Variants in PKN2 observed in about 807,000 individuals in gnomAD.
PKN2 encodes protein kinase N2.
Under a neutral mutation model 119.1 loss-of-function variants are expected in PKN2, and 38 were observed. The observed-to-expected ratio is 0.32, with a 90% confidence interval of 0.25 to 0.42. PKN2 has a LOEUF of 0.42. PKN2 is among the 10% of genes least tolerant of loss of function. The pLI is 1.00. For synonymous variants in PKN2, 390 were observed against 384.9 expected, an observed-to-expected ratio of 1.01 and a Z score of -0.15; for missense variants, 850 against 1,165.1, an observed-to-expected ratio of 0.73 and a Z score of 3.94.
intron 1 of PKN2, among the ~76,000 whole-genome samples, chr1:88,735,007 A>G (rs1405117903): frequency 2.6e-5 from 4 of 152,212 alleles, no homozygotes; most frequent in Non-Finnish European, 4.4e-5. Flanking sequence ...TAGCCTTCAT[A>G]TTAAAGATAC....
rs147720122 is a variant in PKN2, at chr1:88,775,537, GT to G, written c.985+3662del. ...CGAAGGACTTCTTGGTTGCTTCCAGGTTTTGGCAGTTATGTATCAAGCTGTT... is the reference window on the plus strand; with the variant it reads ...CGAAGGACTTCTTGGTTGCTTCCAGGTTTGGCAGTTATGTATCAAGCTGTT... On this transcript the variant is annotated intron_variant, in intron 6 of 21. Transcript: ENST00000370521. Among the ~76,000 whole-genome samples the G allele has an allele frequency of 4.5e-3, 686 of 152,078 alleles. 1 individual carries two copies. Among genetic ancestry groups the G allele is most frequent in the African/African-American group, 0.016 (644 of 41,496 alleles).
intron 6 of PKN2, among the ~76,000 whole-genome samples, chr1:88,774,739 CTCTT>C (rs1438262354): frequency 6.6e-6 from 1 of 151,884 alleles, no homozygotes; most frequent in African/African-American, 2.4e-5. Flanking sequence ...GACAGGATCT[CTCTT>C]TGTTGCCCAG....
intron 2 of PKN2, among the ~76,000 whole-genome samples, chr1:88,742,929 G>A (rs887539002): frequency 1.8e-4 from 27 of 152,116 alleles, no homozygotes; most frequent in Admixed American, 2.6e-4. Context: ...AGTGGCTCGT[G>A]CCTATAATCC....
intron 2 of PKN2, among the ~76,000 whole-genome samples, chr1:88,746,021 G>A (rs967883135): frequency 6.6e-6 from 1 of 152,090 alleles, no homozygotes; most frequent in Non-Finnish European, 1.5e-5. Context: ...ACTGGATATC[G>A]ACATGCAGAA....
chr1:88,738,460 T>C (rs1668442732), intron 1 of PKN2, among the ~76,000 whole-genome samples: 1 of 152,222 alleles, frequency 6.6e-6, no homozygotes, highest in Non-Finnish European at 1.5e-5. Flanking sequence ...AGATGGTGCA[T>C]ACCAAAGGTG....
Position 88,684,614 on chromosome 1 carries a change from C to T in PKN2, c.34C>T (p.Leu12Phe), listed in dbSNP as rs771648470. The change falls in exon 1 of 22, where the codon CTC (leucine) becomes TTC (phenylalanine). Residue 12 changes from leucine to phenylalanine, a missense_variant. Around this residue, in one of 9 missense-constraint regions of PKN2, gnomAD observed 73 missense variants for 61.2 expected, o/e 1.19. Transcript: ENST00000370521. ...ASNPERGEIL[L>F]TELQGDSRSL... ...CAACCCCGAACGGGGGGAGATTCTG[C>T]TCACGGAACTGCAGGTAAGGGCCGC... is the stretch of plus-strand genomic sequence containing the variant. The T allele has an allele frequency of 3.2e-6, 5 of 1,564,532 alleles. No individual in the cohort carries two copies. In the African/African-American group the frequency reaches 6.9e-5, roughly 22 times the overall value.
At chr1:88,818,596 A>G (rs1166491963) in intron 16 of PKN2, among the ~76,000 whole-genome samples, 1 of 151,586 alleles carries the variant, frequency 6.6e-6, no homozygotes, top group East Asian at 1.9e-4. Flanking sequence ...TGCAGTAAGC[A>G]AAGACTGTGC....
intron 15 of PKN2, among the ~76,000 whole-genome samples, chr1:88,813,138 A>G (rs1394318763): frequency 6.6e-6 from 1 of 152,210 alleles, no homozygotes; most frequent in East Asian, 1.9e-4. Flanking sequence ...AAAATTGAAT[A>G]CTATAGCTTG....
In PKN2 at chr1:88,836,068, G is replaced by A. The variant is rs1197443443; in HGVS notation, c.*2620G>A. On this transcript the variant is annotated 3_prime_UTR_variant, in exon 22 of 22. Transcript: ENST00000370521. ...AGCATATTTATGGACTGCTTACTGTGTATAGATACTGAGAATAGGAAGTTT... is the reference window on the plus strand; with the variant it reads ...AGCATATTTATGGACTGCTTACTGTATATAGATACTGAGAATAGGAAGTTT... 2.0e-5 allele frequency: 3 copies of A among 151,946 alleles called. No homozygotes were observed. The highest frequency in any genetic ancestry group is 7.2e-5 in the African/African-American group (3 of 41,384). 9.4% of individuals were successfully genotyped at this position (151,946 alleles called of 1,614,324 possible).
intron 2 of PKN2, among the ~76,000 whole-genome samples, chr1:88,748,326 C>CA (rs1212923515): frequency 5.9e-5 from 9 of 152,098 alleles, no homozygotes; most frequent in Admixed American, 1.3e-4. Flanking sequence ...TGAAGAATGC[C>CA]ATGTACATAG....
chr1:88,707,304 G>GT (rs1200306122), intron 1 of PKN2, among the ~76,000 whole-genome samples: 1 of 152,026 alleles, frequency 6.6e-6, no homozygotes, highest in East Asian at 1.9e-4. Context: ...TGTGGCAGAT[G>GT]AAGTCTTACA....
chr1:88,730,298 A>G (rs1251388275), intron 1 of PKN2, among the ~76,000 whole-genome samples: 1 of 152,188 alleles, frequency 6.6e-6, no homozygotes, highest in Non-Finnish European at 1.5e-5. Flanking sequence ...GTAGCAGTTC[A>G]GTAAGGCCAT....
Position 88,804,483 on chromosome 1 carries a change from A to G in PKN2, c.1374A>G (p.Gln458=), listed in dbSNP as rs56365263. 388 of 1,613,700 alleles carry G rather than the reference A, an allele frequency of 2.4e-4. 1 individual carries two copies. In the African/African-American group the frequency reaches 3.3e-3, roughly 14 times the overall value. Residue 458 remains glutamine, a synonymous_variant, in exon 9 of 22, where the codon CAA becomes CAG. Coordinates refer to ENST00000370521, the MANE Select transcript of PKN2 (RefSeq NM_006256.4). ...GGTTAGAAGATTTTTTAGACAACCA[A>G]CGGCATGGCATGTGTCTCTATTTGG... ...FLRLEDFLDN[Q]RHGMCLYLEP... is the part of the protein sequence containing the mutation.
rs139207724 is a variant in PKN2, at chr1:88,711,349, G to A, written c.48+26721G>A. On this transcript the variant is annotated intron_variant, in intron 1 of 21. Coordinates refer to ENST00000370521, the MANE Select transcript of PKN2 (RefSeq NM_006256.4). ...TTAAGGTTTTCTTATTCCACTTCCC[G>A]CCATTAATATACCACCTTTGCGTAA... is the stretch of plus-strand genomic sequence containing the variant. Among the ~76,000 whole-genome samples, 9 of 152,064 alleles carry A rather than the reference G, an allele frequency of 5.9e-5. No individual in the cohort carries two copies. In the East Asian group the frequency reaches 1.2e-3, roughly 20 times the overall value.
chr1:88,807,873 A>C, intron 15 of PKN2, 98 bp downstream of exon 15: 1 of 683,034 alleles, frequency 1.5e-6, no homozygotes, highest in South Asian at 2.1e-5. Flanking sequence ...ATTTTACAGT[A>C]ATATGTGAAG....
chr1:88,782,704 G>A (rs1372311972), intron 6 of PKN2, among the ~76,000 whole-genome samples: 2 of 151,612 alleles, frequency 1.3e-5, no homozygotes, highest in South Asian at 2.1e-4. Flanking sequence ...CCATGTGTCT[G>A]TGCCACATTT....
At chr1:88,713,547 A>C (rs1346499117) in intron 1 of PKN2, among the ~76,000 whole-genome samples, 1 of 152,016 alleles carries the variant, frequency 6.6e-6, no homozygotes, top group Non-Finnish European at 1.5e-5. Flanking sequence ...GCTTTTTTTC[A>C]TGTGTCCGTT....
chr1:88,704,918 A>G (rs1340910576), intron 1 of PKN2, among the ~76,000 whole-genome samples: 1 of 151,826 alleles, frequency 6.6e-6, no homozygotes, highest in Non-Finnish European at 1.5e-5. Flanking sequence ...ATTTGCATTT[A>G]TTGAATGATG....
chr1:88,833,309 G>T lies in PKN2; in HGVS notation c.2816G>T (p.Gly939Val). The change falls in exon 22 of 22, where the codon GGA becomes GTA. Residue 939 changes from glycine (G) to valine (V), a missense_variant. This residue lies in a region of PKN2 where 95 missense variants were observed against 150.2 expected (regional missense o/e 0.63). Transcript: ENST00000370521. Reference sequence around the variant, plus strand: ...CCACCATTTATACCTACCATAAGAGGACGAGAAGATGTTAGTAATTTTGAT... The same window carrying T: ...CCACCATTTATACCTACCATAAGAGTACGAGAAGATGTTAGTAATTTTGAT... ...VKPPFIPTIR[G>V]REDVSNFDDE... 6.2e-7 allele frequency: 1 copy of T among 1,613,428 alleles called. No homozygotes were observed. The highest frequency in any genetic ancestry group is 8.5e-7 in the Non-Finnish European group (1 of 1,179,484).
Sources: gnomAD v4.1 joint callset for allele counts (sites outside exome capture counted in the v4.1 genomes callset) on GRCh38, gnomAD v4.1.1 for gene constraint, gnomAD v4.1.1 regional missense constraint, MANE v1.5 for transcripts, NCBI Gene and HGNC (gene_info 2026-07-23, HGNC 2026-07-21) for gene names.